The following NRG2 variants were observed in gnomAD, a reference collection of about 807,000 sequenced individuals.
The protein encoded by NRG2 is pro-neuregulin-2, membrane-bound isoform.
Under a neutral mutation model 73.9 loss-of-function variants are expected in NRG2, and 27 were observed. The observed-to-expected ratio is 0.37, with a 90% CI of 0.27 to 0.50. NRG2 has a LOEUF of 0.50. NRG2 is among the 20% of genes least tolerant of loss of function. The pLI, the probability that NRG2 is intolerant of heterozygous loss-of-function variation, is 0.96. For synonymous variants in NRG2, 532 were observed against 541.0 expected, an observed-to-expected ratio of 0.98 and a Z score of 0.23; for missense variants, 1,126 against 1,210.1, an observed-to-expected ratio of 0.93 and a Z score of 1.03.
At chr5:139,850,622 C>A (rs956121098) in intron 9 of NRG2, among the ~76,000 whole-genome samples, 3 of 152,244 alleles carry the variant, frequency 2.0e-5, no homozygotes, top group Non-Finnish European at 4.4e-5. Flanking sequence ...TACCACTCAT[C>A]TTTCCCTGCT....
intron 5 of NRG2, among the ~76,000 whole-genome samples, chr5:139,863,175 G>A (rs1270347076): frequency 6.6e-6 from 1 of 152,206 alleles, no homozygotes; most frequent in Non-Finnish European, 1.5e-5. Context: ...TTTTACAGAT[G>A]AGAAAACAAA....
intron 1 of NRG2, among the ~76,000 whole-genome samples, chr5:140,026,372 A>C (rs1479579439): frequency 6.6e-6 from 1 of 152,218 alleles, no homozygotes; most frequent in East Asian, 1.9e-4. Context: ...TAGATAATAG[A>C]AGAGAACAGA....
intron 1 of NRG2, among the ~76,000 whole-genome samples, chr5:140,020,554 C>T (rs1255823888): frequency 6.6e-6 from 1 of 152,146 alleles, no homozygotes; most frequent in African/African-American, 2.4e-5. Flanking sequence ...AGATATGTCC[C>T]AAGATCCGGA....
intron 1 of NRG2, among the ~76,000 whole-genome samples, chr5:139,907,337 A>T (rs1393897181): frequency 6.6e-6 from 1 of 152,124 alleles, no homozygotes; most frequent in Non-Finnish European, 1.5e-5. Context: ...CTGCTTCCTG[A>T]ATTCTTTTGA....
At chr5:139,943,304 G>T (rs1262632491) in intron 1 of NRG2, among the ~76,000 whole-genome samples, 1 of 151,826 alleles carries the variant, frequency 6.6e-6, no homozygotes, top group African/African-American at 2.4e-5. Flanking sequence ...GTACCACCAT[G>T]CCTGGCTAAT....
At chr5:139,855,422 C>T (rs1761743729) in intron 6 of NRG2, among the ~76,000 whole-genome samples, 1 of 152,234 alleles carries the variant, frequency 6.6e-6, no homozygotes, top group Admixed American at 6.5e-5. Context: ...GATTCGTCTT[C>T]TTCCAAAGCC....
chr5:139,893,691 A>C (rs375056251), intron 1 of NRG2, among the ~76,000 whole-genome samples: 13 of 146,808 alleles, frequency 8.9e-5, no homozygotes, highest in Admixed American at 5.3e-4. Flanking sequence ...GGGGAAGCCC[A>C]GAGGCTACTT....
intron 1 of NRG2, among the ~76,000 whole-genome samples, chr5:140,021,545 T>C (rs1016181414): frequency 2.0e-5 from 3 of 152,204 alleles, no homozygotes; most frequent in Non-Finnish European, 4.4e-5. Flanking sequence ...TCTCAGCACG[T>C]TCATGTCATA....
chr5:139,892,694 C>T (rs1159339394), intron 1 of NRG2, among the ~76,000 whole-genome samples: 1 of 152,132 alleles, frequency 6.6e-6, no homozygotes, highest in African/African-American at 2.4e-5. Flanking sequence ...AGAGCTGAAC[C>T]AAGCAGAGGA....
rs77602481 is a variant in NRG2 at position 139,916,765 on chromosome 5, G to A, written c.701-29254C>T. Among the ~76,000 whole-genome samples the A allele has an allele frequency of 9.5e-4, 145 of 152,264 alleles. 3 individuals are homozygous for A. The East Asian group carries it at 0.025, about 27-fold the overall frequency. On this transcript the variant is annotated intron_variant, in intron 1 of 9. Transcript: ENST00000361474. Reference sequence around the variant, plus strand: ...GTGGCCGAATAGTATTCCATTATATGTATATATACCAGATATTATTTATAT... The same window carrying A: ...GTGGCCGAATAGTATTCCATTATATATATATATACCAGATATTATTTATAT...
chr5:139,890,097 A>G (rs960489314), intron 1 of NRG2, among the ~76,000 whole-genome samples: 1 of 152,012 alleles, frequency 6.6e-6, no homozygotes, highest in African/African-American at 2.4e-5. Flanking sequence ...CGCTCCCCCC[A>G]GTGAATGACA....
intron 1 of NRG2, among the ~76,000 whole-genome samples, chr5:140,035,042 C>T (rs184063385): frequency 5.3e-5 from 8 of 152,220 alleles, no homozygotes; most frequent in African/African-American, 1.4e-4. Context: ...AGCAACATGA[C>T]GAAACCCTAT....
At chr5:139,943,701 ACTTTT>A (rs1753581369) in intron 1 of NRG2, among the ~76,000 whole-genome samples, 2 of 152,346 alleles carry the variant, frequency 1.3e-5, no homozygotes, top group Admixed American at 6.5e-5. Flanking sequence ...TTCAAAGTCC[ACTTTT>A]CTTTTCTTGT....
intron 1 of NRG2, among the ~76,000 whole-genome samples, chr5:139,939,299 G>T: frequency 7.0e-6 from 1 of 143,420 alleles, no homozygotes; most frequent in South Asian, 2.2e-4. Context: ...TTTTTTAAAT[G>T]GAGTCTTGCT....
intron 6 of NRG2, 131 bp downstream of exon 6, chr5:139,855,545 G>A (rs1581775671): frequency 5.3e-6 from 4 of 755,440 alleles, no homozygotes; most frequent in East Asian, 2.5e-5. Flanking sequence ...AGAGGCCCCC[G>A]AGGGGTAGTT....
At chr5:140,014,548 T>C (rs1336444481) in intron 1 of NRG2, among the ~76,000 whole-genome samples, 6 of 152,152 alleles carry the variant, frequency 3.9e-5, no homozygotes, top group Non-Finnish European at 8.8e-5. Flanking sequence ...GGATTCATTT[T>C]TTTACTCCTC....
At chr5:140,003,305 A>G (rs1758638315) in intron 1 of NRG2, among the ~76,000 whole-genome samples, 1 of 152,190 alleles carries the variant, frequency 6.6e-6, no homozygotes, top group Non-Finnish European at 1.5e-5. Context: ...TTCATATCCT[A>G]ATTTCTGGAA....
At chr5:139,877,349 C>T (rs924478694) in intron 3 of NRG2, among the ~76,000 whole-genome samples, 1 of 152,232 alleles carries the variant, frequency 6.6e-6, no homozygotes, top group Non-Finnish European at 1.5e-5. Flanking sequence ...ACTCAAGAGC[C>T]AAAGTGATGC....
At chr5:139,939,257 TTTC>T (rs1753198176) in intron 1 of NRG2, among the ~76,000 whole-genome samples, 3 of 148,012 alleles carry the variant, frequency 2.0e-5, no homozygotes, top group African/African-American at 5.0e-5. Context: ...TCTTTCTTTC[TTTC>T]TTTTTCTTTC....
Sources: gnomAD v4.1 joint callset for allele counts (sites outside exome capture counted in the v4.1 genomes callset) on GRCh38, gnomAD v4.1.1 for gene constraint, MANE v1.5 for transcripts, NCBI Gene and HGNC (gene_info 2026-07-23, HGNC 2026-07-21) for gene names.